MYT1L: variants seen among roughly 807,000 people sequenced by gnomAD.
The protein encoded by MYT1L is myelin transcription factor 1 like.
Under a neutral mutation model 126.7 loss-of-function variants are expected in MYT1L, and 12 were observed. The ratio of observed to expected loss-of-function variants is 0.09; its 90% CI spans 0.06 to 0.15. The LOEUF is 0.15. Among genes scored for constraint, MYT1L ranks in the 10% least tolerant of loss-of-function variants. The pLI, the probability that MYT1L is intolerant of heterozygous loss-of-function variation, is 1.00. For missense variants in MYT1L, 979 were observed against 1,585.2 expected (o/e 0.62, Z 6.49); for synonymous variants, 541 against 604.2 (o/e 0.90, Z 1.53).
intron 3 of MYT1L, among the ~76,000 whole-genome samples, chr2:2,071,569 G>C (rs1356851971): frequency 6.6e-6 from 1 of 152,190 alleles, no homozygotes; most frequent in African/African-American, 2.4e-5. Context: ...AGGGGGCACT[G>C]ATGAGAGGAA....
intron 3 of MYT1L, among the ~76,000 whole-genome samples, chr2:2,108,801 G>C (rs751435016): frequency 6.6e-6 from 1 of 151,026 alleles, no homozygotes; most frequent in Non-Finnish European, 1.5e-5. Flanking sequence ...TTTCTTTTTC[G>C]ATGTGGAATA....
chr2:2,217,685 C>CAAAAAAAAAAAAA (rs1167910803), intron 2 of MYT1L, among the ~76,000 whole-genome samples: 6 of 79,626 alleles, frequency 7.5e-5, no homozygotes, highest in Non-Finnish European at 1.2e-4. Flanking sequence ...ACAACAACAA[C>CAAAAAAAAAAAAA]AACAACAACA....
At chr2:1,866,692 AGAGG>A (rs1281297386) in intron 18 of MYT1L, among the ~76,000 whole-genome samples, 2 of 53,378 alleles carry the variant, frequency 3.7e-5, no homozygotes, top group Non-Finnish European at 6.4e-5. Context: ...AGGCAGAGAG[AGAGG>A]GAGAGGGAGG....
intron 8 of MYT1L, among the ~76,000 whole-genome samples, chr2:1,967,383 C>T (rs1355443089): frequency 6.6e-6 from 1 of 152,146 alleles, no homozygotes; most frequent in African/African-American, 2.4e-5. Context: ...CTTCAGAGTT[C>T]CCTGCATTTG....
intron 3 of MYT1L, among the ~76,000 whole-genome samples, chr2:2,058,043 C>A (rs1214083656): frequency 6.6e-6 from 1 of 152,166 alleles, no homozygotes; most frequent in Non-Finnish European, 1.5e-5. Context: ...TATACCATTT[C>A]ACTTTGCCTC....
intron 3 of MYT1L, among the ~76,000 whole-genome samples, chr2:2,143,289 CA>C (rs781544456): frequency 0.1 from 5,515 of 55,056 alleles, 98 homozygotes; most frequent in East Asian, 0.15. Context: ...GACTCCGTCT[CA>C]AAAAAAAAAA....
intron 8 of MYT1L, among the ~76,000 whole-genome samples, chr2:1,966,053 G>A (rs1326055063): frequency 6.6e-6 from 1 of 152,232 alleles, no homozygotes; most frequent in Non-Finnish European, 1.5e-5. Context: ...AGGCTCCTGT[G>A]CTGGGAACAA....
chr2:1,904,239 A>G (rs1249848575), intron 13 of MYT1L, among the ~76,000 whole-genome samples: 1 of 152,110 alleles, frequency 6.6e-6, no homozygotes, highest in African/African-American at 2.4e-5. Context: ...AGGGTCCCAC[A>G]GTGCACTAAG....
At chr2:2,020,086 C>G (rs2064879624) in intron 4 of MYT1L, among the ~76,000 whole-genome samples, 1 of 152,162 alleles carries the variant, frequency 6.6e-6, no homozygotes, top group Admixed American at 6.5e-5. Flanking sequence ...CTCTAGCAAT[C>G]TGCCCAGCTC....
chr2:2,307,197 A>T (rs2095870193), intron 1 of MYT1L, among the ~76,000 whole-genome samples: 1 of 152,166 alleles, frequency 6.6e-6, no homozygotes, highest in Admixed American at 6.5e-5. Flanking sequence ...ATTACCTCAA[A>T]GAGTGGGGTA....
Position 1,796,552 on chromosome 2 carries a change from C to T in MYT1L, c.3277-4088G>A, listed in dbSNP as rs544401297. Reference sequence around the variant, plus strand: ...GTTCACTCTGGTCCATCTGGGCCCTCGCACCAGGAGCTGGGGGGTTTCTTG... The same window carrying T: ...GTTCACTCTGGTCCATCTGGGCCCTTGCACCAGGAGCTGGGGGGTTTCTTG... On this transcript the variant is annotated intron_variant, in intron 23 of 24. Coordinates refer to ENST00000647738, the MANE Select transcript of MYT1L (RefSeq NM_001303052.2). 5.9e-5 allele frequency among the ~76,000 whole-genome samples: 9 copies of T among 152,318 alleles called. No homozygotes were observed. In the East Asian group the frequency reaches 1.5e-3, roughly 26 times the overall value.
At chr2:2,125,524 C>T (rs1427981564) in intron 3 of MYT1L, among the ~76,000 whole-genome samples, 1 of 152,174 alleles carries the variant, frequency 6.6e-6, no homozygotes, top group Non-Finnish European at 1.5e-5. Context: ...GTGTTAGGCA[C>T]ATCAACCTTA....
chr2:2,246,663 T>C (rs2094541810), intron 2 of MYT1L, among the ~76,000 whole-genome samples: 1 of 152,170 alleles, frequency 6.6e-6, no homozygotes, highest in South Asian at 2.1e-4. Context: ...TAATTCACAA[T>C]GCCTAAGTGA....
intron 2 of MYT1L, among the ~76,000 whole-genome samples, chr2:2,205,894 C>G (rs1001519040): frequency 6.6e-6 from 1 of 152,178 alleles, no homozygotes; most frequent in Non-Finnish European, 1.5e-5. Flanking sequence ...CTCCTTTGTT[C>G]TCACATAACG....
chr2:1,954,864 A>C (rs1558525115), intron 8 of MYT1L, among the ~76,000 whole-genome samples: 1 of 152,018 alleles, frequency 6.6e-6, no homozygotes, highest in African/African-American at 2.4e-5. Flanking sequence ...CAGATGTTTG[A>C]GACCAGCCAG....
At chr2:2,253,480 A>G (rs1443793920) in intron 2 of MYT1L, among the ~76,000 whole-genome samples, 1 of 152,368 alleles carries the variant, frequency 6.6e-6, no homozygotes, top group East Asian at 1.9e-4. Context: ...CTTCACTTCT[A>G]ATGCTCTATA....
chr2:2,065,550 C>T (rs35326432), intron 3 of MYT1L, among the ~76,000 whole-genome samples: 1 of 152,048 alleles, frequency 6.6e-6, no homozygotes. Context: ...CTCCCCTAAC[C>T]TGAAATTACC....
In MYT1L at chr2:2,142,036, CTTTCCTTTAAA is replaced by C. The variant is rs565781285; in HGVS notation, c.-304+30825_-304+30835del. ...TTTAGTCAATATAAGAAAATATCAG[CTTTCCTTTAAA>C]AATAATTACTTCTGTCTACCTTTTC... is the stretch of plus-strand genomic sequence containing the variant. On this transcript the variant is annotated intron_variant, in intron 3 of 24. Transcript: ENST00000647738. 1.1e-3 allele frequency among the ~76,000 whole-genome samples: 172 copies of C among 152,290 alleles called. 1 individual carries two copies. Among genetic ancestry groups the C allele is most frequent in the African/African-American group, 3.5e-3 (146 of 41,560 alleles).
chr2:1,928,931 A>G (rs1359317237), intron 9 of MYT1L, among the ~76,000 whole-genome samples: 1 of 152,100 alleles, frequency 6.6e-6, no homozygotes, highest in Non-Finnish European at 1.5e-5. Flanking sequence ...CTGCATGGGT[A>G]GGAGGGTGGG....
Sources: allele counts gnomAD v4.1 joint callset (sites outside exome capture counted in the v4.1 genomes callset), GRCh38; gene constraint gnomAD v4.1.1; transcripts MANE v1.5; gene names NCBI Gene and HGNC (gene_info 2026-07-23, HGNC 2026-07-21).